Variants in GNG7 observed in about 807,000 individuals in gnomAD.
GNG7 encodes G protein subunit gamma 7.
Under a neutral mutation model 4.0 loss-of-function variants are expected in GNG7, and 1 was observed. The ratio of observed to expected loss-of-function variants is 0.25; its 90% CI spans 0.09 to 1.18. GNG7 has a LOEUF of 1.18. Ranked by LOEUF, GNG7 falls within the 50% of genes most tolerant of loss-of-function variation. GNG7 has a pLI of 0.50. For synonymous variants in GNG7, 34 were observed against 36.9 expected, an observed-to-expected ratio of 0.92 and a Z score of 0.29; for missense variants, 86 against 91.9, an observed-to-expected ratio of 0.94 and a Z score of 0.26.
Position 2,595,708 on chromosome 19 carries a change from C to T in GNG7, c.-77-40520G>A, listed in dbSNP as rs189658230. 2.8e-3 allele frequency among the ~76,000 whole-genome samples: 420 copies of T among 149,368 alleles called. 3 individuals carry two copies. The highest frequency in any genetic ancestry group is 9.8e-3 in the African/African-American group (397 of 40,590). The stretch of plus-strand genomic sequence containing the variant: ...CAAGATCGCACCACTGCACTCCAGC[C>T]TGGGCAACAGAGTGAGACTCTGTCT... On this transcript the variant is annotated intron_variant, in intron 2 of 4. Coordinates refer to ENST00000382159, the MANE Select transcript of GNG7 (RefSeq NM_052847.3).
At position 2,572,589 on chromosome 19, in the gene GNG7, G is replaced by T. The variant is rs983299012; in HGVS notation, c.-77-17401C>A. On this transcript the variant is annotated intron_variant, in intron 2 of 4. Transcript: ENST00000382159. The stretch of plus-strand genomic sequence containing the variant: ...TGGGACTACAGGTGTAAGCCACCGC[G>T]CCCGGCCCTTTTTTTTTTTTTTTTT... 4.1e-5 allele frequency among the ~76,000 whole-genome samples: 6 copies of T among 144,824 alleles called. No individual in the cohort carries two copies. In the Admixed American group the frequency reaches 4.3e-4, roughly 10 times the overall value.
intron 2 of GNG7, among the ~76,000 whole-genome samples, chr19:2,558,249 T>C (rs1979628134): frequency 2.5e-5 from 1 of 39,650 alleles, no homozygotes; most frequent in South Asian, 6.0e-4. Context: ...TTTTTGTTTT[T>C]GTTTTTTTTT....
At chr19:2,589,286 G>T (rs551247029) in intron 2 of GNG7, among the ~76,000 whole-genome samples, 1 of 149,914 alleles carries the variant, frequency 6.7e-6, no homozygotes, top group South Asian at 2.1e-4. Flanking sequence ...GCAGTGGCGC[G>T]ATATCAGCTC....
At chr19:2,697,348 G>T (rs933763685) in intron 1 of GNG7, among the ~76,000 whole-genome samples, 1 of 152,156 alleles carries the variant, frequency 6.6e-6, no homozygotes, top group Admixed American at 6.5e-5. Flanking sequence ...GAGCCGATGT[G>T]GGGGAGCAAC....
chr19:2,566,113 G>A (rs1316703185), intron 2 of GNG7, among the ~76,000 whole-genome samples: 1 of 151,984 alleles, frequency 6.6e-6, no homozygotes, highest in Non-Finnish European at 1.5e-5. Context: ...AGCCAAAATC[G>A]CACCACTGCA....
intron 3 of GNG7, among the ~76,000 whole-genome samples, chr19:2,525,823 T>G (rs144503294): frequency 7.6e-4 from 115 of 152,292 alleles, no homozygotes; most frequent in African/African-American, 2.6e-3. Flanking sequence ...GCCTCTTTTT[T>G]TTTTGAGTCG....
intron 2 of GNG7, among the ~76,000 whole-genome samples, chr19:2,576,086 CA>C: frequency 1.3e-5 from 1 of 75,080 alleles, no homozygotes; most frequent in African/African-American, 1.7e-4. Flanking sequence ...TGCAGACACA[CA>C]CACAGACACA....
At chr19:2,599,876 G>A (rs892493133) in intron 2 of GNG7, among the ~76,000 whole-genome samples, 2 of 151,684 alleles carry the variant, frequency 1.3e-5, no homozygotes, top group Non-Finnish European at 2.9e-5. Context: ...GGTGGAGGTT[G>A]CAGAGAGCTG....
At position 2,611,780 on chromosome 19, in the gene GNG7, G is replaced by A. The variant is rs928229545; in HGVS notation, c.-78+34444C>T. 2 of 152,218 alleles carry A rather than the reference G, an allele frequency of 1.3e-5. No homozygotes were observed. The highest frequency in any genetic ancestry group is 1.5e-5 in the Non-Finnish European group (1 of 68,046). 9.4% of individuals were successfully genotyped at this position (152,218 alleles called of 1,614,324 possible). On this transcript the variant is annotated intron_variant, in intron 2 of 4. Coordinates refer to ENST00000382159, the MANE Select transcript of GNG7 (RefSeq NM_052847.3). This position sits in a 1 kb window ranked among gnomAD's most constrained non-coding sequence, Gnocchi z 6.0. ...GAACCGGGGAGGTGGAGGCTGCACT[G>A]AGCGTTGATCGCGCCACTGCTCTCC...
chr19:2,666,515 T>A (rs1983314920), intron 1 of GNG7, among the ~76,000 whole-genome samples: 1 of 152,082 alleles, frequency 6.6e-6, no homozygotes, highest in African/African-American at 2.4e-5. Flanking sequence ...TCTTGCTATG[T>A]TGCCCAGACT....
intron 1 of GNG7, among the ~76,000 whole-genome samples, chr19:2,690,875 C>T (rs532201217): frequency 1.3e-5 from 2 of 152,166 alleles, no homozygotes; most frequent in South Asian, 2.1e-4. Flanking sequence ...ATTACAGGTG[C>T]GAGCCACCGC....
chr19:2,551,345 C>T (rs1032510519), intron 3 of GNG7, among the ~76,000 whole-genome samples: 7 of 152,252 alleles, frequency 4.6e-5, no homozygotes, highest in East Asian at 1.9e-4. Context: ...TGCGACCCCT[C>T]GGCCATCGGC....
intron 1 of GNG7, among the ~76,000 whole-genome samples, chr19:2,654,717 T>C (rs926311889): frequency 1.6e-4 from 17 of 107,892 alleles, no homozygotes; most frequent in Non-Finnish European, 1.3e-4. Context: ...CTTATTCTGG[T>C]GTCTGTTGTG....
At chr19:2,682,763 T>C (rs1018119684) in intron 1 of GNG7, among the ~76,000 whole-genome samples, 18 of 151,572 alleles carry the variant, frequency 1.2e-4, no homozygotes, top group African/African-American at 4.8e-5. Context: ...GCCATGAGCC[T>C]TGGTTTCCTC....
intron 2 of GNG7, chr19:2,642,365 GTTAT>G (rs1046055174): frequency 1.2e-4 from 28 of 241,450 alleles, no homozygotes; most frequent in South Asian, 2.3e-4. Context: ...AATGAATGGG[GTTAT>G]TTGTTTCTGT....
intron 2 of GNG7, among the ~76,000 whole-genome samples, chr19:2,630,236 C>G (rs1982123572): frequency 6.6e-6 from 1 of 152,108 alleles, no homozygotes; most frequent in South Asian, 2.1e-4. Flanking sequence ...CCCCCCTTCC[C>G]TTTGCCACCA....
chr19:2,575,777 A>G (rs1232989373), intron 2 of GNG7, among the ~76,000 whole-genome samples: 5 of 129,606 alleles, frequency 3.9e-5, no homozygotes, highest in Admixed American at 3.8e-4. Context: ...ACACGCAGGC[A>G]CATGCAGACA....
At position 2,513,673 on chromosome 19, in the gene GNG7, C is replaced by G; in HGVS notation, c.*1349G>C. 1 of 615,408 alleles carries G rather than the reference C, an allele frequency of 1.6e-6. No individual in the cohort carries two copies. The highest frequency in any genetic ancestry group is 2.0e-6 in the Non-Finnish European group (1 of 492,356). The allele number at this position is 615,408 out of a possible 1,614,324, so 38.1% of individuals were successfully genotyped here. ...TCGAGCGACAGGGTAACGTTTTGAG[C>G]GGACGTTTTGATCTCCGGGACAACG... On this transcript the variant is annotated 3_prime_UTR_variant, in exon 5 of 5. Transcript: ENST00000382159.
chr19:2,701,161 C>T (rs1415120988), intron 1 of GNG7: 2 of 152,122 alleles, frequency 1.3e-5, no homozygotes, highest in Admixed American at 1.3e-4. Flanking sequence ...TTCCGAACTC[C>T]CGTCTCCTTC....
Sources: gnomAD v4.1 joint callset for allele counts (sites outside exome capture counted in the v4.1 genomes callset) on GRCh38, gnomAD v4.1.1 for gene constraint, Gnocchi (gnomAD v3.1) non-coding constraint, MANE v1.5 for transcripts, NCBI Gene and HGNC (gene_info 2026-07-23, HGNC 2026-07-21) for gene names.